The following INTS7 variants were observed in gnomAD, a reference collection of about 807,000 sequenced individuals.
The protein encoded by INTS7 is chromosome 1 open reading frame 73.
A neutral mutation model predicts 109.2 loss-of-function variants in INTS7; 46 were observed. The ratio of observed to expected loss-of-function variants is 0.42; its 90% CI spans 0.33 to 0.54. The LOEUF is 0.54. Among genes scored for constraint, INTS7 ranks in the 20% least tolerant of loss-of-function variants. INTS7 has a pLI of 0.07. For missense variants in INTS7, 929 were observed against 1,132.4 expected (o/e 0.82, Z 2.58); for synonymous variants, 412 against 402.9 (o/e 1.02, Z -0.27).
chr1:212,020,388 T>C (rs572516964), intron 2 of INTS7, 120 bp from the exon 3 acceptor site: 15 of 663,466 alleles, frequency 2.3e-5, no homozygotes, highest in Non-Finnish European at 3.7e-5. Context: ...TTAACATTAT[T>C]TGTTTAACTA....
chr1:212,000,347 G>A (rs936918487), intron 7 of INTS7, among the ~76,000 whole-genome samples: 1 of 152,090 alleles, frequency 6.6e-6, no homozygotes, highest in African/African-American at 2.4e-5. Flanking sequence ...AACAACTATC[G>A]CTGGAAAAAG....
chr1:211,969,557 T>C (rs1332221090), intron 13 of INTS7, among the ~76,000 whole-genome samples: 16 of 142,106 alleles, frequency 1.1e-4, no homozygotes, highest in African/African-American at 1.3e-4. Context: ...TTTTCTTTTT[T>C]TTTTTTTTTT....
At chr1:212,006,812 A>G (rs769787572) in intron 6 of INTS7, 51 bp from the exon 7 acceptor site, 48 of 1,456,368 alleles carry the variant, frequency 3.3e-5, no homozygotes, top group Non-Finnish European at 4.4e-5. Context: ...TGAAATGATC[A>G]TTAGAAATGC....
intron 7 of INTS7, among the ~76,000 whole-genome samples, chr1:211,995,562 T>A (rs907032029): frequency 5.9e-5 from 9 of 152,118 alleles, no homozygotes; most frequent in Admixed American, 2.0e-4. Context: ...AGGCTGCAAA[T>A]AGAACAGAAG....
At chr1:211,986,524 A>G (rs941736672) in intron 8 of INTS7, among the ~76,000 whole-genome samples, 33 of 152,234 alleles carry the variant, frequency 2.2e-4, no homozygotes, top group Non-Finnish European at 7.3e-5. Context: ...AACCAAGACC[A>G]CAGCCCAAAA....
At chr1:211,995,690 G>A (rs986735219) in intron 7 of INTS7, among the ~76,000 whole-genome samples, 1 of 152,188 alleles carries the variant, frequency 6.6e-6, no homozygotes, top group African/African-American at 2.4e-5. Flanking sequence ...TTCCTATGCT[G>A]AAATCCTAAC....
Position 211,959,030 on chromosome 1 carries a change from G to A in INTS7, c.2184-6329C>T, listed in dbSNP as rs1663491462. Among the ~76,000 whole-genome samples the A allele has an allele frequency of 6.6e-6, 1 of 152,128 alleles. No homozygotes were observed. On this transcript the variant is annotated intron_variant, in intron 16 of 19. Transcript: ENST00000366994. This position sits in a 1 kb window ranked among gnomAD's most constrained non-coding sequence, Gnocchi z 4.2. Reference sequence around the variant, plus strand: ...CACCGGGGGAACAGTGACTTGAACTGGCAAAAAAACAACCAGCTACTGCCA... The same window carrying A: ...CACCGGGGGAACAGTGACTTGAACTAGCAAAAAAACAACCAGCTACTGCCA...
At chr1:212,018,503 T>TA (rs11423688) in intron 3 of INTS7, among the ~76,000 whole-genome samples, 145,365 of 146,666 alleles carry the variant, frequency 0.99, 72,039 homozygotes, top group South Asian at 1. Flanking sequence ...ATCTTTTGAT[T>TA]AAAAAAAAAA....
At chr1:212,000,113 AAAAGAAAG>A (rs751303729) in intron 7 of INTS7, among the ~76,000 whole-genome samples, 1 of 152,212 alleles carries the variant, frequency 6.6e-6, no homozygotes, top group Non-Finnish European at 1.5e-5. Context: ...TCAAAGAAAA[AAAAGAAAG>A]AAAGAAAGAA....
rs1663263976 is a variant in INTS7, at chr1:211,954,404, G to A, written c.2184-1703C>T. ...GTGCAGAAGCTCTTTAGTTTAATTAGACCCCATTTGTGAATTTTGGCTTTT... is the reference window on the plus strand; with the variant it reads ...GTGCAGAAGCTCTTTAGTTTAATTAAACCCCATTTGTGAATTTTGGCTTTT... On this transcript the variant is annotated intron_variant, in intron 16 of 19. Transcript: ENST00000366994. Among the ~76,000 whole-genome samples, 3 of 152,282 alleles carry A rather than the reference G, an allele frequency of 2.0e-5. No homozygotes were observed. The South Asian group carries it at 6.2e-4, about 32-fold the overall frequency.
chr1:212,008,131 A>G (rs1666014982), intron 5 of INTS7, among the ~76,000 whole-genome samples: 2 of 152,194 alleles, frequency 1.3e-5, no homozygotes, highest in Non-Finnish European at 2.9e-5. Context: ...CCATGGTGAA[A>G]TAATTGTGGG....
chr1:211,944,851 CG>C lies in INTS7; in HGVS notation c.2533del (p.Arg845AlafsTer8). The C allele has an allele frequency of 6.2e-7, 1 of 1,614,096 alleles. No individual in the cohort carries two copies. Among genetic ancestry groups the C allele is most frequent in the South Asian group, 1.1e-5 (1 of 91,086 alleles). On this transcript the variant is annotated frameshift_variant, in exon 19 of 20. Transcript: ENST00000366994. LOFTEE classifies it high-confidence loss of function. ...ATTCAGACAGACAGACTGAATTTTG[CG>C]GAAGAGTCCTGGTTTAGATCCGTGC... ...VQHGSKPGLF[R>X]KIQSVCLNVS...
At chr1:211,972,634 A>G (rs553918683) in intron 13 of INTS7, among the ~76,000 whole-genome samples, 2 of 152,176 alleles carry the variant, frequency 1.3e-5, no homozygotes, top group African/African-American at 4.8e-5. Flanking sequence ...AATATGGCAA[A>G]AGTGATGAGA....
chr1:211,980,561 G>C (rs1664617699), intron 10 of INTS7, among the ~76,000 whole-genome samples: 1 of 152,056 alleles, frequency 6.6e-6, no homozygotes, highest in Non-Finnish European at 1.5e-5. Flanking sequence ...TCAGCCTCAT[G>C]AGTAGCTAGG....
Position 211,978,444 on chromosome 1 carries a change from G to A in INTS7, c.1298C>T (p.Thr433Ile), listed in dbSNP as rs776679455. 2 of 1,614,164 alleles carry A rather than the reference G, an allele frequency of 1.2e-6. No homozygotes were observed. The highest frequency in any genetic ancestry group is 1.1e-5 in the South Asian group (1 of 91,084). Residue 433 changes from threonine to isoleucine, a missense_variant, in exon 11 of 20, where the codon ACC becomes ATC. By Grantham distance (89) the Thr-to-Ile change is moderately conservative. Coordinates refer to ENST00000366994, the MANE Select transcript of INTS7 (RefSeq NM_015434.4). ...RPHLSQSVVE[T>I]LLTQLHSAQD... is the part of the protein sequence containing the mutation. ...AGCACTGTGCAATTGAGTCAACAAG[G>A]TCTCAACTACTGACTGGCTAAGATG...
At chr1:212,008,664 G>C (rs1666039900) in intron 5 of INTS7, among the ~76,000 whole-genome samples, 1 of 152,120 alleles carries the variant, frequency 6.6e-6, no homozygotes, top group African/African-American at 2.4e-5. Context: ...GAAGCATTTT[G>C]TATTAATAAG....
chr1:211,970,178 T>A, intron 13 of INTS7, among the ~76,000 whole-genome samples: 1 of 152,018 alleles, frequency 6.6e-6, no homozygotes. Flanking sequence ...AACACACAAA[T>A]AAGTTTCAAT....
chr1:211,990,328 T>C (rs1337790218), intron 7 of INTS7, among the ~76,000 whole-genome samples: 1 of 151,532 alleles, frequency 6.6e-6, no homozygotes, highest in Non-Finnish European at 1.5e-5. Context: ...TAATATAAGA[T>C]GTTCCCCCAT....
chr1:212,007,151 T>G (rs749206481), intron 6 of INTS7, 99 bp downstream of exon 6: 3 of 837,104 alleles, frequency 3.6e-6, no homozygotes, highest in Non-Finnish European at 5.7e-6. Flanking sequence ...AAAAGAACCT[T>G]AATGTCCTCA....
Sources: gnomAD v4.1 joint callset for allele counts (sites outside exome capture counted in the v4.1 genomes callset) on GRCh38, gnomAD v4.1.1 for gene constraint, Gnocchi (gnomAD v3.1) non-coding constraint, MANE v1.5 for transcripts, NCBI Gene and HGNC (gene_info 2026-07-23, HGNC 2026-07-21) for gene names.